KLF13: variants seen among roughly 807,000 people sequenced by gnomAD.
The protein encoded by KLF13 is KLF transcription factor 13.
A neutral mutation model predicts 16.7 loss-of-function variants in KLF13; 8 were observed. The ratio of observed to expected loss-of-function variants is 0.48; its 90% CI spans 0.28 to 0.87. The LOEUF is 0.87. KLF13 is among the 40% of genes least tolerant of loss of function. The probability of loss-of-function intolerance (pLI) is 0.10; values close to 1 mark genes in which losing one functional copy is unlikely to be tolerated. For synonymous variants in KLF13, 245 were observed against 208.4 expected, an observed-to-expected ratio of 1.18 and a Z score of -1.51; for missense variants, 447 against 452.2, an observed-to-expected ratio of 0.99 and a Z score of 0.10.
chr15:31,407,303 C>A (rs1179693581), downstream of KLF13, among the ~76,000 whole-genome samples: 1 of 152,020 alleles, frequency 6.6e-6, no homozygotes, highest in Non-Finnish European at 1.5e-5. Flanking sequence ...CACAGGGAGA[C>A]CTCTTCTCTA....
chr15:31,381,171 C>A (rs79335414), downstream of KLF13, among the ~76,000 whole-genome samples: 218 of 121,446 alleles, frequency 1.8e-3, no homozygotes, highest in South Asian at 3.1e-3. Flanking sequence ...GACTCTGTCT[C>A]AAAAAAAAAA....
rs2040433160 is a variant in KLF13, at chr15:31,428,820, A to AAAAAAGAAAAG, written n.118-6540_118-6539insGAAAAAGAAAA. 5.6e-4 allele frequency among the ~76,000 whole-genome samples: 41 copies of AAAAAAGAAAAG among 72,648 alleles called. 1 individual carries two copies. Among genetic ancestry groups the AAAAAAGAAAAG allele is most frequent in the Admixed American group, 8.3e-4 (4 of 4,798 alleles). The allele number at this position is 72,648 out of a possible 152,430, so 47.7% of individuals were successfully genotyped here. ...TCTATCTCAAAAAAAAAAAAAAAAA[A>AAAAAAGAAAAG]AAAAAGAAAAAGAAAAAGAAATGCC... is the stretch of plus-strand genomic sequence containing the variant. On this transcript the variant is annotated intron_variant and non_coding_transcript_variant, in intron 1 of 1. Coordinates refer to the KLF13 transcript ENST00000558225.
At chr15:31,395,179 C>T (rs1376218109) in intron 2 of KLF13, among the ~76,000 whole-genome samples, 1 of 152,178 alleles carries the variant, frequency 6.6e-6, no homozygotes, top group Non-Finnish European at 1.5e-5. Flanking sequence ...GGCGTTTCAC[C>T]ACGTTGGCCA....
At chr15:31,420,147 A>T in intron 1 of KLF13, 1 of 473,710 alleles carries the variant, frequency 2.1e-6, no homozygotes, top group South Asian at 1.8e-5. Flanking sequence ...CAAGACCATA[A>T]CCCAGCAGCC....
intron 1 of KLF13, among the ~76,000 whole-genome samples, chr15:31,333,191 T>C (rs1595450766): frequency 6.6e-6 from 1 of 152,190 alleles, no homozygotes; most frequent in South Asian, 2.1e-4. Flanking sequence ...TGAAGTAGGC[T>C]CTATTATTAA....
At position 31,327,631 on chromosome 15, in the gene KLF13, C is replaced by G. The variant is rs1471048950; in HGVS notation, c.419C>G (p.Ala140Gly). 1.8e-5 allele frequency: 25 copies of G among 1,371,608 alleles called. No individual in the cohort carries two copies. The highest frequency in any genetic ancestry group is 2.4e-5 in the Non-Finnish European group (25 of 1,046,438). The allele number at this position is 1,371,608 out of a possible 1,614,324, so 85.0% of individuals were successfully genotyped here. A position where few individuals can be genotyped will look rare whatever the true frequency, so the allele number is the denominator to read the frequency against. ...GAGCCCGAGCGGGAGCCGGGGCCCGCGGGGAGCGGCGAGCCCGGCCTCAGA... is the reference window on the plus strand; with the variant it reads ...GAGCCCGAGCGGGAGCCGGGGCCCGGGGGGAGCGGCGAGCCCGGCCTCAGA... ...GLEPEREPGP[A>G]GSGEPGLRQR... Residue 140 changes from alanine (A) to glycine (G), a missense_variant, in exon 1 of 2, where the codon GCG (alanine) becomes GGG (glycine). Transcript: ENST00000307145.
intron 2 of KLF13, among the ~76,000 whole-genome samples, chr15:31,400,680 C>T (rs2040021619): frequency 6.6e-6 from 1 of 151,632 alleles, no homozygotes; most frequent in Non-Finnish European, 1.5e-5. Flanking sequence ...TTGGATTTTA[C>T]TCAGATCACT....
In KLF13 at chr15:31,327,841, C is replaced by T. The variant is rs373058664; in HGVS notation, c.577+52C>T. The T allele has an allele frequency of 1.0e-4, 135 of 1,351,936 alleles. No homozygotes were observed. In the African/African-American group the frequency reaches 1.9e-3, roughly 19 times the overall value. 83.7% of individuals were successfully genotyped at this position (1,351,936 alleles called of 1,614,324 possible). On this transcript the variant is annotated intron_variant, in intron 1 of 1. Coordinates refer to ENST00000307145, the MANE Select transcript of KLF13 (RefSeq NM_015995.4). Reference sequence around the variant, plus strand: ...ATCGCGCGGACGGGGTCGGCGCGAGCTGCCCGACCACGCCCCCGGAGTCCC... The same window carrying T: ...ATCGCGCGGACGGGGTCGGCGCGAGTTGCCCGACCACGCCCCCGGAGTCCC...
intron 2 of KLF13, among the ~76,000 whole-genome samples, chr15:31,397,871 C>T (rs1408055366): frequency 3.6e-5 from 2 of 55,428 alleles, no homozygotes; most frequent in African/African-American, 1.0e-4. Flanking sequence ...TTGGGGGTGG[C>T]GGCGGGGGGG....
chr15:31,383,710 C>A (rs28562771), intron 1 of KLF13, among the ~76,000 whole-genome samples: 80,242 of 151,898 alleles, frequency 0.53, 22,831 homozygotes, highest in South Asian at 0.71. Context: ...ACCATCCTGG[C>A]TAACACGGTG....
exon 3 of KLF13, chr15:31,403,495 A>G (rs1169627792): frequency 6.6e-6 from 1 of 152,182 alleles, no homozygotes; most frequent in African/African-American, 2.4e-5. Context: ...AACTACTTCT[A>G]TCCCAGGAAG....
intron 1 of KLF13, among the ~76,000 whole-genome samples, chr15:31,364,481 G>A (rs1275056374): frequency 1.3e-5 from 2 of 152,234 alleles, no homozygotes; most frequent in African/African-American, 4.8e-5. Context: ...TCACTACTGG[G>A]CGGCTCACAA....
intron 1 of KLF13, among the ~76,000 whole-genome samples, chr15:31,371,551 C>T (rs2039554739): frequency 6.6e-6 from 1 of 152,252 alleles, no homozygotes; most frequent in Non-Finnish European, 1.5e-5. Context: ...TGCCTTCCTG[C>T]CCTGCAGGGG....
rs1303722645 is a variant in KLF13 at position 31,376,674 on chromosome 15, C to T, written c.*4375C>T. The T allele has an allele frequency of 6.6e-6, 1 of 152,626 alleles. No homozygotes were observed. Among genetic ancestry groups the T allele is most frequent in the African/African-American group, 2.4e-5 (1 of 41,440 alleles). 9.5% of individuals were successfully genotyped at this position (152,626 alleles called of 1,614,324 possible). On this transcript the variant is annotated 3_prime_UTR_variant, in exon 2 of 2. Transcript: ENST00000307145. ...CATAGTCCACCTTACTACTGATACACGCCTGAGCACCCTTTAGGGCGAGGC... is the reference window on the plus strand; with the variant it reads ...CATAGTCCACCTTACTACTGATACATGCCTGAGCACCCTTTAGGGCGAGGC...
At chr15:31,329,030 T>TA (rs1421772122) in intron 1 of KLF13, among the ~76,000 whole-genome samples, 2 of 152,182 alleles carry the variant, frequency 1.3e-5, no homozygotes, top group African/African-American at 4.8e-5. Context: ...CCCTTTTTTT[T>TA]ACCATTTGGA....
chr15:31,379,705 C>T (rs2140974422), downstream of KLF13, among the ~76,000 whole-genome samples: 1 of 152,304 alleles, frequency 6.6e-6, no homozygotes, highest in African/African-American at 2.4e-5. Flanking sequence ...TGGACCAGGT[C>T]ACAAAGCAGT....
chr15:31,383,535 T>C (rs1015769496), intron 1 of KLF13, among the ~76,000 whole-genome samples: 6 of 152,228 alleles, frequency 3.9e-5, no homozygotes, highest in Non-Finnish European at 7.3e-5. Flanking sequence ...ACTCACACTT[T>C]CATTACATAT....
At chr15:31,330,226 C>T (rs1006521621) in intron 1 of KLF13, among the ~76,000 whole-genome samples, 3 of 152,164 alleles carry the variant, frequency 2.0e-5, no homozygotes, top group Non-Finnish European at 4.4e-5. Flanking sequence ...TTGCTGCAGC[C>T]GTGGGCTCTG....
intron 1 of KLF13, among the ~76,000 whole-genome samples, chr15:31,333,462 T>G (rs145545738): frequency 2.0e-3 from 299 of 152,294 alleles, no homozygotes; most frequent in Middle Eastern, 3.4e-3. Context: ...TTTTGCTGCT[T>G]CTTAAAGGTT....
Sources: allele counts gnomAD v4.1 joint callset (sites outside exome capture counted in the v4.1 genomes callset), GRCh38; gene constraint gnomAD v4.1.1; transcripts MANE v1.5; gene names NCBI Gene and HGNC (gene_info 2026-07-23, HGNC 2026-07-21).